The following SPRR2G variants were observed in gnomAD, a reference collection of about 807,000 sequenced individuals.
The protein encoded by SPRR2G is small proline rich protein 2G.
SPRR2G carries 1 observed loss-of-function variant against 0.7 expected under a neutral mutation model. That is an observed-to-expected ratio of 1.49 (90% CI 0.53 to 7.06). SPRR2G has a LOEUF of 7.06. Among genes scored for constraint, SPRR2G ranks in the 30% most tolerant of loss-of-function variants. SPRR2G has a pLI of 0.14. For synonymous variants in SPRR2G, 38 were observed against 33.9 expected, an observed-to-expected ratio of 1.12 and a Z score of -0.42; for missense variants, 96 against 88.5, an observed-to-expected ratio of 1.09 and a Z score of -0.34.
chr1:153,166,110 T>C, the SPRR2G span, among the ~76,000 whole-genome samples: 1 of 152,160 alleles, frequency 6.6e-6, no homozygotes, highest in Admixed American at 6.5e-5. Flanking sequence ...ATGACACAAT[T>C]CCTAGCTCCT....
chr1:153,168,080 T>A, the SPRR2G span, among the ~76,000 whole-genome samples: 1 of 152,296 alleles, frequency 6.6e-6, no homozygotes, highest in African/African-American at 2.4e-5. Context: ...TGTTTTACTT[T>A]AACATCTCAA....
At chr1:153,200,980 A>G in the SPRR2G span, among the ~76,000 whole-genome samples, 4 of 152,192 alleles carry the variant, frequency 2.6e-5, no homozygotes, top group Non-Finnish European at 5.9e-5. Flanking sequence ...TGCTGGGATT[A>G]CAGGTGTGAG....
At chr1:153,176,935 G>T in the SPRR2G span, among the ~76,000 whole-genome samples, 1 of 152,258 alleles carries the variant, frequency 6.6e-6, no homozygotes, top group South Asian at 2.1e-4. Context: ...TGAAACCTGT[G>T]AGCGCAAGGG....
At chr1:153,195,482 C>T in the SPRR2G span, among the ~76,000 whole-genome samples, 1 of 152,166 alleles carries the variant, frequency 6.6e-6, no homozygotes, top group African/African-American at 2.4e-5. Context: ...TTGCCTCCAC[C>T]ACCACTACTG....
the SPRR2G span, among the ~76,000 whole-genome samples, chr1:153,181,203 C>T: frequency 6.6e-6 from 1 of 152,024 alleles, no homozygotes; most frequent in South Asian, 2.1e-4. Flanking sequence ...TTCCTATTGA[C>T]AAGATCTGAA....
At chr1:153,198,932 G>A in the SPRR2G span, among the ~76,000 whole-genome samples, 270 of 152,248 alleles carry the variant, frequency 1.8e-3, 1 homozygote, top group Admixed American at 2.7e-3. Flanking sequence ...AAAGGGCTCG[G>A]GAAGGAGAGT....
At chr1:153,185,625 G>A in the SPRR2G span, among the ~76,000 whole-genome samples, 1 of 151,820 alleles carries the variant, frequency 6.6e-6, no homozygotes, top group African/African-American at 2.4e-5. Flanking sequence ...TTGTTAGTCT[G>A]GCTAGCAGTC....
At chr1:153,200,424 C>T in the SPRR2G span, among the ~76,000 whole-genome samples, 19 of 152,238 alleles carry the variant, frequency 1.2e-4, no homozygotes, top group Middle Eastern at 6.8e-3. Context: ...TGACAAAAAA[C>T]GATAGCTAAT....
chr1:153,153,137 G>A (rs1278459901), upstream of SPRR2G, among the ~76,000 whole-genome samples: 1 of 152,136 alleles, frequency 6.6e-6, no homozygotes, highest in Non-Finnish European at 1.5e-5. Flanking sequence ...TATCTCAGGA[G>A]AATAGTTAAG....
the SPRR2G span, among the ~76,000 whole-genome samples, chr1:153,200,880 G>A: frequency 2.6e-5 from 4 of 151,998 alleles, no homozygotes; most frequent in African/African-American, 7.3e-5. Context: ...GCTAATTTTT[G>A]TATTTTTAGT....
chr1:153,187,528 G>A, the SPRR2G span, among the ~76,000 whole-genome samples: 6 of 151,804 alleles, frequency 4.0e-5, no homozygotes, highest in African/African-American at 7.3e-5. Context: ...CAAAGTTCTC[G>A]TGCTGTGTTT....
chr1:153,155,834 C>T (rs1247572748), upstream of SPRR2G, among the ~76,000 whole-genome samples: 1 of 152,192 alleles, frequency 6.6e-6, no homozygotes, highest in African/African-American at 2.4e-5. Context: ...CTACACAATT[C>T]TCTAAAAGCC....
chr1:153,156,277 G>A, the SPRR2G span, among the ~76,000 whole-genome samples: 4 of 152,028 alleles, frequency 2.6e-5, no homozygotes, highest in African/African-American at 9.7e-5. Context: ...CACTACATTA[G>A]CCCTGCCAAA....
chr1:153,197,986 C>A, the SPRR2G span, among the ~76,000 whole-genome samples: 2 of 152,134 alleles, frequency 1.3e-5, 1 homozygote, highest in South Asian at 4.1e-4. Context: ...GATCTCTACA[C>A]TACATCATGT....
Position 153,150,054 on chromosome 1 carries a change from G to A in SPRR2G, c.57C>T (p.Pro19=), listed in dbSNP as rs760996894. 1.2e-6 allele frequency: 2 copies of A among 1,613,248 alleles called. No individual in the cohort carries two copies. The highest frequency in any genetic ancestry group is 3.3e-5 in the Admixed American group (2 of 60,002). Residue 19 remains proline, a synonymous_variant, in exon 2 of 2, where the codon CCC becomes CCT. Coordinates refer to ENST00000368748, the MANE Select transcript of SPRR2G (RefSeq NM_001014291.4). ...KQPCQPPPVC[P]TPKCPEPCPP... ...GACATGGCTCTGGGCACTTTGGCGT[G>A]GGGCACACAGGAGGTGGCTGGCAGG...
chr1:153,189,897 G>A, the SPRR2G span, among the ~76,000 whole-genome samples: 1 of 152,160 alleles, frequency 6.6e-6, no homozygotes, highest in Admixed American at 6.5e-5. Context: ...CATCTGTGGG[G>A]CAGCCCCACA....
At chr1:153,158,229 C>T in the SPRR2G span, among the ~76,000 whole-genome samples, 1 of 152,172 alleles carries the variant, frequency 6.6e-6, no homozygotes, top group South Asian at 2.1e-4. Flanking sequence ...TTTCTTCCAC[C>T]TATGAGCCCG....
the SPRR2G span, among the ~76,000 whole-genome samples, chr1:153,156,371 T>A: frequency 1.3e-5 from 2 of 152,190 alleles, no homozygotes; most frequent in African/African-American, 4.8e-5. Flanking sequence ...ATTTGGATAC[T>A]CCATGACAAT....
At chr1:153,200,997 C>G in the SPRR2G span, among the ~76,000 whole-genome samples, 1 of 152,186 alleles carries the variant, frequency 6.6e-6, no homozygotes, top group Non-Finnish European at 1.5e-5. Context: ...TGAGCCACCG[C>G]GCCTAGCAAA....
Sources: allele counts gnomAD v4.1 joint callset (sites outside exome capture counted in the v4.1 genomes callset), GRCh38; gene constraint gnomAD v4.1.1; transcripts MANE v1.5; gene names NCBI Gene and HGNC (gene_info 2026-07-23, HGNC 2026-07-21).